SUCLG2: variants seen among roughly 807,000 people sequenced by gnomAD.
The protein encoded by SUCLG2 is succinate--CoA ligase [GDP-forming] subunit beta, mitochondrial.
A neutral mutation model predicts 47.9 loss-of-function variants in SUCLG2; 42 were observed. That is an observed-to-expected ratio of 0.88 (90% confidence interval 0.69 to 1.14). The LOEUF (loss-of-function observed/expected upper bound fraction) is 1.14. Among genes scored for constraint, SUCLG2 ranks in the 50% most tolerant of loss-of-function variants. SUCLG2 has a pLI of 0.00. For synonymous variants in SUCLG2, 195 were observed against 197.3 expected (o/e 0.99, Z 0.10); for missense variants, 571 against 525.9 (o/e 1.09, Z -0.84).
At chr3:67,432,885 G>A (rs1160756174) in intron 9 of SUCLG2, among the ~76,000 whole-genome samples, 1 of 152,188 alleles carries the variant, frequency 6.6e-6, no homozygotes, top group African/African-American at 2.4e-5. Flanking sequence ...AGGTCCTTCC[G>A]TAACACCACA....
intron 9 of SUCLG2, among the ~76,000 whole-genome samples, chr3:67,410,694 T>C (rs1447708886): frequency 6.6e-6 from 1 of 151,738 alleles, no homozygotes; most frequent in Non-Finnish European, 1.5e-5. Context: ...TAAAAAAAAA[T>C]AGAGCAAAGA....
chr3:67,374,358 G>C (rs532669201), downstream of SUCLG2, among the ~76,000 whole-genome samples: 3 of 152,146 alleles, frequency 2.0e-5, no homozygotes, highest in African/African-American at 7.2e-5. Context: ...AAAATAGTTT[G>C]GTCTACTACA....
intron 2 of SUCLG2, among the ~76,000 whole-genome samples, chr3:67,552,076 A>T (rs1707028415): frequency 6.6e-6 from 1 of 151,832 alleles, no homozygotes; most frequent in South Asian, 2.1e-4. Flanking sequence ...AAATATGACC[A>T]GAACTCCTGA....
intron 4 of SUCLG2, among the ~76,000 whole-genome samples, chr3:67,522,702 C>T (rs1385661531): frequency 2.8e-5 from 4 of 144,484 alleles, no homozygotes; most frequent in African/African-American, 5.2e-5. Context: ...CTCGCTCTGT[C>T]GCCCAGGCTG....
chr3:67,399,182 T>G (rs371935854), intron 10 of SUCLG2, among the ~76,000 whole-genome samples: 10 of 150,542 alleles, frequency 6.6e-5, no homozygotes, highest in Non-Finnish European at 1.3e-4. Context: ...AATAATAAAA[T>G]AAAAAAAAAG....
chr3:67,395,411 C>A (rs537672254), intron 10 of SUCLG2, among the ~76,000 whole-genome samples: 404 of 152,210 alleles, frequency 2.7e-3, no homozygotes, highest in African/African-American at 9.0e-3. Context: ...CAACAAAGAC[C>A]AAAACAGACA....
chr3:67,632,213 C>A lies in SUCLG2; in HGVS notation c.84+22290G>T, dbSNP rs147526420. 1.4e-3 allele frequency among the ~76,000 whole-genome samples: 214 copies of A among 152,202 alleles called. 3 individuals are homozygous for A. Among genetic ancestry groups the A allele is most frequent in the Middle Eastern group, 3.4e-3 (1 of 294 alleles). Reference sequence around the variant, plus strand: ...GTTCATTTTTTTTTAGACACAGTTTCACTCTGTCGCCTAGACTGGAGTGCA... The same window carrying A: ...GTTCATTTTTTTTTAGACACAGTTTAACTCTGTCGCCTAGACTGGAGTGCA... On this transcript the variant is annotated intron_variant, in intron 1 of 10. Transcript: ENST00000307227.
intron 1 of SUCLG2, among the ~76,000 whole-genome samples, chr3:67,651,008 T>G (rs1187036442): frequency 2.0e-5 from 3 of 152,152 alleles, no homozygotes; most frequent in Non-Finnish European, 4.4e-5. Context: ...CTGCACACAC[T>G]TTTCACTTGG....
At chr3:67,547,382 T>C (rs1049531979) in intron 2 of SUCLG2, among the ~76,000 whole-genome samples, 6 of 152,332 alleles carry the variant, frequency 3.9e-5, no homozygotes, top group East Asian at 1.9e-4. Flanking sequence ...CCTGAACACA[T>C]AGTGTTTTAC....
At chr3:67,426,268 T>C (rs1216579909) in intron 9 of SUCLG2, among the ~76,000 whole-genome samples, 1 of 152,198 alleles carries the variant, frequency 6.6e-6, no homozygotes, top group Non-Finnish European at 1.5e-5. Flanking sequence ...CCTGAGGTCA[T>C]TAAGGTTGGT....
At chr3:67,399,844 T>C (rs572008928) in intron 10 of SUCLG2, among the ~76,000 whole-genome samples, 3 of 152,318 alleles carry the variant, frequency 2.0e-5, no homozygotes, top group African/African-American at 7.2e-5. Context: ...AGACTTTTAG[T>C]GTAGTACCAA....
intron 7 of SUCLG2, among the ~76,000 whole-genome samples, chr3:67,508,216 C>A (rs1398471329): frequency 6.6e-6 from 1 of 152,074 alleles, no homozygotes; most frequent in Non-Finnish European, 1.5e-5. Context: ...TGATATAAAT[C>A]CAGCCCAGAA....
At chr3:67,621,536 T>C (rs755443945) in intron 1 of SUCLG2, among the ~76,000 whole-genome samples, 3 of 152,162 alleles carry the variant, frequency 2.0e-5, no homozygotes, top group Admixed American at 6.5e-5. Flanking sequence ...TGTGGCAGTA[T>C]TGAGAGGTGG....
chr3:67,510,308 A>T (rs1205489853), intron 6 of SUCLG2, among the ~76,000 whole-genome samples: 1 of 152,256 alleles, frequency 6.6e-6, no homozygotes, highest in Non-Finnish European at 1.5e-5. Context: ...AAACACCTAC[A>T]AACATTTTTA....
chr3:67,559,931 G>A (rs1384157163), intron 2 of SUCLG2, among the ~76,000 whole-genome samples: 1 of 151,868 alleles, frequency 6.6e-6, no homozygotes, highest in Non-Finnish European at 1.5e-5. Context: ...GTACCATGCT[G>A]GTGGGGGATG....
chr3:67,613,141 A>G (rs1046356764), intron 1 of SUCLG2, among the ~76,000 whole-genome samples: 3 of 152,136 alleles, frequency 2.0e-5, no homozygotes, highest in Non-Finnish European at 4.4e-5. Context: ...TTGTTACCTC[A>G]TTAGCCATTG....
rs536286999 is a variant in SUCLG2 at position 67,576,953 on chromosome 3, T to C, written c.226+32502A>G. On this transcript the variant is annotated intron_variant, in intron 2 of 10. Transcript: ENST00000307227. Reference sequence around the variant, plus strand: ...TTTTTTACAAAAAGCCCAAAATGGATTAACCACCTGAGTTTAAAGAACTCT... The same window carrying C: ...TTTTTTACAAAAAGCCCAAAATGGACTAACCACCTGAGTTTAAAGAACTCT... Among the ~76,000 whole-genome samples the C allele has an allele frequency of 1.7e-4, 26 of 152,228 alleles. 1 individual carries two copies. Among genetic ancestry groups the C allele is most frequent in the African/African-American group, 6.3e-4 (26 of 41,546 alleles).
chr3:67,636,369 T>C (rs76313404), intron 1 of SUCLG2, among the ~76,000 whole-genome samples: 1 of 151,708 alleles, frequency 6.6e-6, no homozygotes, highest in Non-Finnish European at 1.5e-5. Context: ...TTTTTTTTTT[T>C]TGAGACAGAG....
At chr3:67,453,448 G>C (rs1704105738) in intron 9 of SUCLG2, among the ~76,000 whole-genome samples, 1 of 152,070 alleles carries the variant, frequency 6.6e-6, no homozygotes, top group Non-Finnish European at 1.5e-5. Context: ...AGGAATGAAG[G>C]AGCTCCCTTG....
Sources: gnomAD v4.1 joint callset for allele counts (sites outside exome capture counted in the v4.1 genomes callset) on GRCh38, gnomAD v4.1.1 for gene constraint, MANE v1.5 for transcripts, NCBI Gene and HGNC (gene_info 2026-07-23, HGNC 2026-07-21) for gene names.